PTN: variants seen among roughly 807,000 people sequenced by gnomAD.
The protein encoded by PTN is heparin affin regulatory protein.
A neutral mutation model predicts 24.1 loss-of-function variants in PTN; 18 were observed. The ratio of observed to expected loss-of-function variants is 0.75; its 90% CI spans 0.52 to 1.11. PTN has a LOEUF of 1.11. Among genes scored for constraint, PTN ranks in the 50% least tolerant of loss-of-function variants. PTN has a pLI of 0.00. For synonymous variants in PTN, 78 were observed against 68.6 expected, an observed-to-expected ratio of 1.14 and a Z score of -0.67; for missense variants, 163 against 198.8, an observed-to-expected ratio of 0.82 and a Z score of 1.08.
intron 4 of PTN, among the ~76,000 whole-genome samples, chr7:137,240,725 G>A (rs1039188950): frequency 3.9e-5 from 6 of 152,156 alleles, no homozygotes; most frequent in East Asian, 3.9e-4. Context: ...GAAGATACAC[G>A]AGCAAGACAG....
chr7:137,297,446 A>G (rs1809736437), intron 1 of PTN, among the ~76,000 whole-genome samples: 1 of 152,218 alleles, frequency 6.6e-6, no homozygotes, highest in African/African-American at 2.4e-5. Context: ...TCATGAATGC[A>G]TTATTTAAAA....
At chr7:137,324,433 A>AAAAAAAATAT in intron 1 of PTN, among the ~76,000 whole-genome samples, 99 of 88,750 alleles carry the variant, frequency 1.1e-3, no homozygotes, top group Admixed American at 4.0e-3. Flanking sequence ...AAAAAAAAAA[A>AAAAAAAATAT]ATATATATAT....
chr7:137,239,962 GCT>G (rs1808598678), intron 4 of PTN, among the ~76,000 whole-genome samples: 1 of 152,092 alleles, frequency 6.6e-6, no homozygotes, highest in Admixed American at 6.5e-5. Flanking sequence ...AGCAAAACAA[GCT>G]CTCTTTGGCC....
chr7:137,294,120 T>C (rs780092777), intron 1 of PTN, among the ~76,000 whole-genome samples: 11 of 152,182 alleles, frequency 7.2e-5, no homozygotes, highest in Non-Finnish European at 1.5e-4. Context: ...AAAATTTAGA[T>C]ACATAAAGCC....
chr7:137,251,768 G>A (rs1334675445), intron 3 of PTN, among the ~76,000 whole-genome samples: 2 of 151,740 alleles, frequency 1.3e-5, no homozygotes, highest in East Asian at 3.9e-4. Flanking sequence ...TAAAAATGTT[G>A]CATAAATGGA....
At chr7:137,310,483 C>T (rs917771351) in intron 1 of PTN, among the ~76,000 whole-genome samples, 9 of 151,072 alleles carry the variant, frequency 6.0e-5, no homozygotes, top group African/African-American at 2.0e-4. Context: ...CTGCAACCTC[C>T]GACTCCCTGG....
chr7:137,300,854 T>C (rs1809795352), intron 1 of PTN, among the ~76,000 whole-genome samples: 1 of 151,952 alleles, frequency 6.6e-6, no homozygotes, highest in South Asian at 2.1e-4. Context: ...AGCTGAAGTT[T>C]CCATTTTCAA....
intron 1 of PTN, among the ~76,000 whole-genome samples, chr7:137,341,490 C>T (rs1005811866): frequency 1.3e-5 from 2 of 151,690 alleles, no homozygotes; most frequent in Non-Finnish European, 2.9e-5. Context: ...ACATATAATA[C>T]ATTAGACTAT....
chr7:137,331,557 TC>T (rs752776148), intron 1 of PTN, among the ~76,000 whole-genome samples: 4 of 152,148 alleles, frequency 2.6e-5, no homozygotes, highest in Non-Finnish European at 4.4e-5. Context: ...CACTCGTCAT[TC>T]CAAATAATAA....
intron 1 of PTN, among the ~76,000 whole-genome samples, chr7:137,278,335 A>AAAAAAAAAC: frequency 7.3e-6 from 1 of 137,762 alleles, no homozygotes; most frequent in Non-Finnish European, 1.6e-5. Context: ...AAAAAAAAAA[A>AAAAAAAAAC]AAATGACTAC....
At chr7:137,275,773 C>G (rs891384185) in intron 1 of PTN, among the ~76,000 whole-genome samples, 7 of 152,160 alleles carry the variant, frequency 4.6e-5, no homozygotes, top group African/African-American at 1.7e-4. Flanking sequence ...TTCAACCTAA[C>G]TCAGTAAGAA....
intron 1 of PTN, among the ~76,000 whole-genome samples, chr7:137,315,391 C>T (rs949978899): frequency 6.6e-6 from 1 of 151,500 alleles, no homozygotes; most frequent in African/African-American, 2.4e-5. Context: ...AAATTCTTAT[C>T]ACAAACCACA....
intron 1 of PTN, among the ~76,000 whole-genome samples, chr7:137,324,466 A>C: frequency 7.0e-6 from 1 of 143,714 alleles, no homozygotes; most frequent in East Asian, 2.0e-4. Flanking sequence ...TAACCTTCCT[A>C]AGCCCTCATC....
chr7:137,272,411 A>G (rs1809290081), intron 1 of PTN, among the ~76,000 whole-genome samples: 1 of 152,212 alleles, frequency 6.6e-6, no homozygotes. Context: ...GCAAATCCTT[A>G]TCACTGTCCA....
intron 4 of PTN, among the ~76,000 whole-genome samples, chr7:137,250,513 TA>T (rs1178751028): frequency 6.6e-6 from 1 of 152,234 alleles, no homozygotes; most frequent in Non-Finnish European, 1.5e-5. Context: ...GTGAGGGGGT[TA>T]AAACTTCAGC....
intron 1 of PTN, among the ~76,000 whole-genome samples, chr7:137,300,111 G>C (rs17169062): frequency 0.15 from 21,940 of 148,238 alleles, 1,728 homozygotes; most frequent in South Asian, 0.21. Context: ...TGGGTAGATA[G>C]ATGATAAATA....
chr7:137,277,909 A>T (rs1338997545), intron 1 of PTN, among the ~76,000 whole-genome samples: 1 of 800 alleles, frequency 1.3e-3, no homozygotes, highest in South Asian at 0.033. Context: ...ATGAGATGAT[A>T]GATAGATAGA....
chr7:137,285,237 G>A (rs1017449729), intron 1 of PTN, among the ~76,000 whole-genome samples: 2 of 152,292 alleles, frequency 1.3e-5, no homozygotes, highest in Middle Eastern at 3.4e-3. Flanking sequence ...AGCAACTCAT[G>A]CATAGATAAT....
chr7:137,321,253 G>A (rs997841143), intron 1 of PTN, among the ~76,000 whole-genome samples: 19 of 152,130 alleles, frequency 1.2e-4, no homozygotes, highest in African/African-American at 4.3e-4. Context: ...ACTGGCTTAC[G>A]GGAAGGCACT....
Sources: allele counts gnomAD v4.1 joint callset (sites outside exome capture counted in the v4.1 genomes callset), GRCh38; gene constraint gnomAD v4.1.1; transcripts MANE v1.5; gene names NCBI Gene and HGNC (gene_info 2026-07-23, HGNC 2026-07-21).